LTBP1: variants seen among roughly 807,000 people sequenced by gnomAD.
LTBP1 encodes latent-transforming growth factor beta-binding protein 1.
Under a neutral mutation model 207.6 loss-of-function variants are expected in LTBP1, and 129 were observed. The observed-to-expected ratio is 0.62, with a 90% confidence interval of 0.54 to 0.72. LTBP1 has a LOEUF of 0.72. Among genes scored for constraint, LTBP1 ranks in the 30% least tolerant of loss-of-function variants. The probability of loss-of-function intolerance (pLI) is 0.00; values close to 1 mark genes in which losing one functional copy is unlikely to be tolerated. For missense variants in LTBP1, 2,281 were observed against 2,217.2 expected (o/e 1.03, Z -0.58); for synonymous variants, 963 against 833.7 (o/e 1.16, Z -2.67).
At chr2:33,327,674 C>T (rs2094444496) in intron 24 of LTBP1, among the ~76,000 whole-genome samples, 1 of 152,156 alleles carries the variant, frequency 6.6e-6, no homozygotes, top group South Asian at 2.1e-4. Context: ...AAGATGACTA[C>T]TCAGAGTGCC....
chr2:33,348,514 C>T (rs1014891913), intron 26 of LTBP1, among the ~76,000 whole-genome samples: 1 of 152,092 alleles, frequency 6.6e-6, no homozygotes, highest in African/African-American at 2.4e-5. Context: ...AAAGAAGAGA[C>T]TTTTCATTTT....
At chr2:33,030,128 G>A (rs1323013567) in intron 3 of LTBP1, among the ~76,000 whole-genome samples, 4 of 152,292 alleles carry the variant, frequency 2.6e-5, no homozygotes, top group East Asian at 3.9e-4. Context: ...GAGGTTTGAT[G>A]GACAGCATTC....
chr2:33,177,838 G>A (rs1186527278), intron 5 of LTBP1, among the ~76,000 whole-genome samples: 1 of 152,226 alleles, frequency 6.6e-6, no homozygotes, highest in East Asian at 1.9e-4. Flanking sequence ...AGAAAAGAAT[G>A]CAAATGTAAA....
At chr2:33,311,120 C>G (rs1481273476) in intron 23 of LTBP1, among the ~76,000 whole-genome samples, 7 of 151,940 alleles carry the variant, frequency 4.6e-5, no homozygotes, top group Non-Finnish European at 4.4e-5. Context: ...GGTATCTACT[C>G]TCTAAGATAG....
intron 3 of LTBP1, among the ~76,000 whole-genome samples, chr2:33,059,427 G>T (rs1009898416): frequency 6.6e-6 from 1 of 152,156 alleles, no homozygotes; most frequent in African/African-American, 2.4e-5. Context: ...CAAGCCTAGG[G>T]ATCTAATTTC....
At chr2:33,211,935 A>G (rs1362767845) in intron 7 of LTBP1, among the ~76,000 whole-genome samples, 1 of 152,224 alleles carries the variant, frequency 6.6e-6, no homozygotes, top group Admixed American at 6.5e-5. Flanking sequence ...GGGAAGTGCT[A>G]CAGTATTACC....
Position 33,302,984 on chromosome 2 carries a change from CAA to C in LTBP1, c.3481+1342_3481+1343del, listed in dbSNP as rs1186957976. On this transcript the variant is annotated intron_variant, in intron 22 of 33. Coordinates refer to ENST00000404816, the MANE Select transcript of LTBP1 (RefSeq NM_206943.4). ...ACACACACACACACACACACACACA[CAA>C]ACACACACAAACACACGCACACACA... Among the ~76,000 whole-genome samples, 185 of 146,216 alleles carry C rather than the reference CAA, an allele frequency of 1.3e-3. 1 individual carries two copies. Among genetic ancestry groups the C allele is most frequent in the African/African-American group, 1.8e-3 (70 of 39,134 alleles).
In LTBP1 at chr2:32,947,233, G is replaced by C. The variant is rs1676306402; in HGVS notation, c.-92G>C. 2 of 1,017,292 alleles carry C rather than the reference G, an allele frequency of 2.0e-6. No individual in the cohort carries two copies. Among genetic ancestry groups the C allele is most frequent in the East Asian group, 3.6e-5 (1 of 28,008 alleles). The allele number at this position is 1,017,292 out of a possible 1,614,324, so 63.0% of individuals were successfully genotyped here. A position where few individuals can be genotyped will look rare whatever the true frequency, so the allele number is the denominator to read the frequency against. On this transcript the variant is annotated 5_prime_UTR_variant, in exon 1 of 34. Coordinates refer to ENST00000404816, the MANE Select transcript of LTBP1 (RefSeq NM_206943.4). ...CTTTCCCGGGCTCTCGGCAGCTCTC[G>C]GGGGAGCCCGAACGCGCGGGGAAAG...
At chr2:33,166,907 C>A (rs1172223237) in intron 5 of LTBP1, among the ~76,000 whole-genome samples, 1 of 152,136 alleles carries the variant, frequency 6.6e-6, no homozygotes, top group African/African-American at 2.4e-5. Context: ...GCAGTAGAAA[C>A]TCCAAAATTA....
intron 3 of LTBP1, among the ~76,000 whole-genome samples, chr2:33,045,169 T>C (rs559139616): frequency 1.3e-5 from 2 of 152,346 alleles, no homozygotes; most frequent in East Asian, 1.9e-4. Context: ...TTTGGTGTTT[T>C]AGTCACGAAG....
At chr2:33,008,528 C>T (rs1187869874) in intron 2 of LTBP1, among the ~76,000 whole-genome samples, 1 of 152,190 alleles carries the variant, frequency 6.6e-6, no homozygotes, top group African/African-American at 2.4e-5. Context: ...AATTTCACCA[C>T]TTATAGGTAG....
chr2:33,073,238 C>T (rs1317420283), intron 3 of LTBP1, among the ~76,000 whole-genome samples: 1 of 151,590 alleles, frequency 6.6e-6, no homozygotes, highest in Admixed American at 6.6e-5. Flanking sequence ...CCAGCCTTTC[C>T]TCATTCTTTT....
rs571851628 is a variant in LTBP1, at chr2:33,031,234, G to T, written c.863+10028G>T. Among the ~76,000 whole-genome samples, 10 of 152,222 alleles carry T rather than the reference G, an allele frequency of 6.6e-5. No homozygotes were observed. In the South Asian group the frequency reaches 2.1e-3, roughly 32 times the overall value. ...TCAGAATTCTTTGGTCTTCTGAGAG[G>T]CTTATTGACTTACACAGACATAAAT... On this transcript the variant is annotated intron_variant, in intron 3 of 33. Transcript: ENST00000404816.
chr2:33,047,598 T>C (rs1474713395), intron 3 of LTBP1, among the ~76,000 whole-genome samples: 1 of 152,206 alleles, frequency 6.6e-6, no homozygotes, highest in Non-Finnish European at 1.5e-5. Flanking sequence ...TCTGTTGATT[T>C]GGGGTGGAGA....
At chr2:32,951,923 C>T (rs75371103) in intron 2 of LTBP1, among the ~76,000 whole-genome samples, 2,956 of 152,224 alleles carry the variant, frequency 0.019, 89 homozygotes, top group African/African-American at 0.066. Context: ...ACCAATGATA[C>T]GCCCACATGA....
intron 26 of LTBP1, among the ~76,000 whole-genome samples, chr2:33,354,714 AC>A (rs2094833637): frequency 2.0e-5 from 3 of 148,634 alleles, no homozygotes; most frequent in South Asian, 2.4e-4. Flanking sequence ...ACACACACAC[AC>A]ACACACACAC....
At chr2:33,091,753 C>T (rs957905158) in intron 3 of LTBP1, among the ~76,000 whole-genome samples, 15 of 152,188 alleles carry the variant, frequency 9.9e-5, no homozygotes, top group African/African-American at 3.6e-4. Flanking sequence ...AGCATCTGTC[C>T]TATTTGTGTC....
chr2:33,018,494 G>A (rs554619218), intron 2 of LTBP1, among the ~76,000 whole-genome samples: 23 of 152,314 alleles, frequency 1.5e-4, no homozygotes, highest in African/African-American at 5.5e-4. Flanking sequence ...CTCAGGCCAA[G>A]GCACAGCTTT....
At chr2:33,188,488 G>T in intron 6 of LTBP1, 89 bp from the exon 7 acceptor site, 7 of 956,162 alleles carry the variant, frequency 7.3e-6, no homozygotes, top group Non-Finnish European at 7.8e-6. Context: ...ATGCATGCAT[G>T]TTTATAAAAT....
Sources: allele counts gnomAD v4.1 joint callset (sites outside exome capture counted in the v4.1 genomes callset), GRCh38; gene constraint gnomAD v4.1.1; transcripts MANE v1.5; gene names NCBI Gene and HGNC (gene_info 2026-07-23, HGNC 2026-07-21).